HMGXB3: variants seen among roughly 807,000 people sequenced by gnomAD.
The protein encoded by HMGXB3 is HMG domain-containing protein 3.
In HMGXB3, 45 loss-of-function variants were observed where a neutral mutation model predicts 121.5. That is an observed-to-expected ratio of 0.37 (90% confidence interval 0.29 to 0.47). The LOEUF (loss-of-function observed/expected upper bound fraction) is 0.47. HMGXB3 is among the 20% of genes least tolerant of loss of function. The pLI is 0.99. For synonymous variants in HMGXB3, 590 were observed against 624.1 expected, an observed-to-expected ratio of 0.95 and a Z score of 0.81; for missense variants, 1,376 against 1,602.2, an observed-to-expected ratio of 0.86 and a Z score of 2.41.
At chr5:150,015,954 G>A (rs747050045) in intron 5 of HMGXB3, among the ~76,000 whole-genome samples, 1 of 152,180 alleles carries the variant, frequency 6.6e-6, no homozygotes, top group African/African-American at 2.4e-5. Context: ...CTATTGGGTG[G>A]AATGTTCTAT....
intron 18 of HMGXB3, among the ~76,000 whole-genome samples, chr5:150,049,755 G>A (rs1196229735): frequency 6.6e-6 from 1 of 151,702 alleles, no homozygotes; most frequent in Non-Finnish European, 1.5e-5. Context: ...GGCCCTGTCA[G>A]TGGAGGTGTT....
At chr5:150,042,971 T>G (rs1331746356) in intron 15 of HMGXB3, among the ~76,000 whole-genome samples, 1 of 152,194 alleles carries the variant, frequency 6.6e-6, no homozygotes, top group East Asian at 1.9e-4. Flanking sequence ...AATATACTCA[T>G]GAATATAGAT....
At chr5:150,030,361 A>G (rs1756343943) in intron 9 of HMGXB3, 1 of 162,408 alleles carries the variant, frequency 6.2e-6, no homozygotes, top group African/African-American at 2.4e-5. Flanking sequence ...AGAAACAACC[A>G]TGATTGTCCT....
chr5:150,036,394 T>A (rs1359131470), intron 11 of HMGXB3, among the ~76,000 whole-genome samples: 3 of 152,074 alleles, frequency 2.0e-5, no homozygotes, highest in Non-Finnish European at 2.9e-5. Context: ...GGTCAAAAAA[T>A]TTCAGATTTC....
rs542312116 is a variant in HMGXB3 at position 150,051,824 on chromosome 5, C to A, written c.3511C>A (p.Arg1171Ser). ...CCCAGTCACCAAGACTGCCACGCGG[C>A]GCATCGTCCATGCAGGCCTACAGCC... ...QHPVTKTATR[R>S]IVHAGLQPNP... The change falls in exon 20 of 20, where the codon CGC (arginine) becomes AGC (serine). Residue 1171 changes from arginine to serine, a missense_variant. Transcript: ENST00000502717. 1 of 1,549,520 alleles carries A rather than the reference C, an allele frequency of 6.5e-7. No homozygotes were observed. The highest frequency in any genetic ancestry group is 8.7e-7 in the Non-Finnish European group (1 of 1,147,086).
Position 150,052,344 on chromosome 5 carries a change from A to T in HMGXB3, c.*152A>T. 1 of 651,394 alleles carries T rather than the reference A, an allele frequency of 1.5e-6. No homozygotes were observed. 40.4% of individuals were successfully genotyped at this position (651,394 alleles called of 1,614,324 possible). A position where few individuals can be genotyped will look rare whatever the true frequency, so the allele number is the denominator to read the frequency against. On this transcript the variant is annotated 3_prime_UTR_variant, in exon 20 of 20. Transcript: ENST00000502717. ...ACCAAAGAGCTTCCATTCCCTGAGCATGGTGGGACCCAGGGTCCTCAGTTC... is the reference window on the plus strand; with the variant it reads ...ACCAAAGAGCTTCCATTCCCTGAGCTTGGTGGGACCCAGGGTCCTCAGTTC...
intron 15 of HMGXB3, 59 bp from the exon 16 acceptor site, chr5:150,045,406 GT>G (rs1413764600): frequency 5.3e-5 from 72 of 1,362,460 alleles, no homozygotes; most frequent in Non-Finnish European, 6.9e-5. Flanking sequence ...GGGGTAGGCT[GT>G]TGTGTTGCTG....
In HMGXB3 at chr5:150,010,177, C is replaced by G; in HGVS notation, c.379C>G (p.Arg127Gly). The change falls in exon 4 of 20, where the codon CGC becomes GGC. Residue 127 changes from arginine (R) to glycine (G), a missense_variant. Physicochemically the swap from Arg to Gly is moderately radical, Grantham distance 125. Around this residue, in one of 2 missense-constraint regions of HMGXB3, gnomAD observed 1,116 missense variants for 1,369.0 expected, o/e 0.82. Transcript: ENST00000502717. The part of the protein sequence containing the change: ...DIPGFRKILP[R>G]SDYIIIPKSS... ...CCCAGGTTTCCGCAAGATCCTCCCA[C>G]GCTCAGATTATATCATCATCCCCAA... is the stretch of plus-strand genomic sequence containing the variant. The G allele has an allele frequency of 6.4e-7, 1 of 1,551,802 alleles. No homozygotes were observed. Among genetic ancestry groups the G allele is most frequent in the South Asian group, 1.2e-5 (1 of 84,056 alleles).
At chr5:150,012,951 T>C (rs1755878269) in intron 5 of HMGXB3, among the ~76,000 whole-genome samples, 1 of 152,268 alleles carries the variant, frequency 6.6e-6, no homozygotes, top group African/African-American at 2.4e-5. Context: ...GCTTGTATTC[T>C]ACAACTTTGC....
At chr5:150,032,671 G>A in intron 11 of HMGXB3, 68 bp downstream of exon 11, 1 of 1,502,812 alleles carries the variant, frequency 6.7e-7, no homozygotes, top group Non-Finnish European at 9.0e-7. Flanking sequence ...TGTCTTAGTA[G>A]AAATAAGAAG....
chr5:150,004,383 A>T (rs920495745), intron 1 of HMGXB3, among the ~76,000 whole-genome samples: 13 of 152,318 alleles, frequency 8.5e-5, no homozygotes, highest in East Asian at 3.9e-4. Flanking sequence ...TGAGTGAATC[A>T]ATGAAGGGAT....
In HMGXB3 at chr5:150,046,595, G is replaced by A. The variant is rs572642558; in HGVS notation, c.2950+910G>A. On this transcript the variant is annotated intron_variant, in intron 16 of 19. Transcript: ENST00000502717. ...TGGGAGGCCCAGGCGGGCGGATCAC[G>A]AGGTCAGGAGATCGAGACCATCCTG... is the stretch of plus-strand genomic sequence containing the variant. Among the ~76,000 whole-genome samples the A allele has an allele frequency of 3.2e-3, 489 of 152,118 alleles. 1 individual carries two copies. Among genetic ancestry groups the A allele is most frequent in the Non-Finnish European group, 5.9e-3 (404 of 67,988 alleles).
At position 150,027,114 on chromosome 5, in the gene HMGXB3, G is replaced by A; in HGVS notation, c.1731G>A (p.Val577=). ...AACAGCCATCTGGCCCTGGTGAGGT[G>A]AAGGTAAGGCCCATTTTCCAGAGTG... ...PIQQPSGPGE[V]KLPSGPSNRT... The change falls in exon 9 of 20, where the codon GTG becomes GTA. Residue 577 remains valine, a synonymous_variant. Coordinates refer to ENST00000502717, the MANE Select transcript of HMGXB3 (RefSeq NM_014983.3). 1 of 1,551,080 alleles carries A rather than the reference G, an allele frequency of 6.4e-7. No homozygotes were observed. The highest frequency in any genetic ancestry group is 8.7e-7 in the Non-Finnish European group (1 of 1,146,860).
In HMGXB3 at chr5:150,018,711, G is replaced by T. The variant is rs1439954525; in HGVS notation, c.1041+14G>T. ...TGGATCCCAAAGGTAAGGTCCATTG[G>T]CTGTTGCTGCTTTGGAAGCCTCACA... On this transcript the variant is annotated intron_variant, in intron 6 of 19. Transcript: ENST00000502717. The T allele has an allele frequency of 6.5e-7, 1 of 1,541,574 alleles. No homozygotes were observed. Among genetic ancestry groups the T allele is most frequent in the Admixed American group, 2.0e-5 (1 of 49,392 alleles).
intron 10 of HMGXB3, among the ~76,000 whole-genome samples, chr5:150,031,800 C>T (rs533226485): frequency 4.0e-4 from 61 of 152,246 alleles, no homozygotes; most frequent in African/African-American, 1.3e-3. Flanking sequence ...CAGTAGCAAA[C>T]AAGACAGCAC....
At chr5:150,004,549 T>A (rs1320682916) in intron 1 of HMGXB3, among the ~76,000 whole-genome samples, 1 of 152,164 alleles carries the variant, frequency 6.6e-6, no homozygotes, top group Non-Finnish European at 1.5e-5. Context: ...CCCATGAATA[T>A]AAGTGAAAAG....
At chr5:150,049,410 A>C (rs199728925) in intron 18 of HMGXB3, among the ~76,000 whole-genome samples, 3 of 149,062 alleles carry the variant, frequency 2.0e-5, no homozygotes, top group Admixed American at 1.3e-4. Context: ...TGGAACGGAA[A>C]CCCCCCCCCT....
chr5:150,004,542 A>G (rs1281633332), intron 1 of HMGXB3, among the ~76,000 whole-genome samples: 1 of 152,190 alleles, frequency 6.6e-6, no homozygotes, highest in Non-Finnish European at 1.5e-5. Context: ...ACTGTATCCC[A>G]TGAATATAAG....
chr5:150,010,985 A>G (rs973062902), intron 4 of HMGXB3, among the ~76,000 whole-genome samples: 1 of 152,154 alleles, frequency 6.6e-6, no homozygotes, highest in Non-Finnish European at 1.5e-5. Flanking sequence ...TTGAAATGGG[A>G]TTTCACTCTG....
Sources: allele counts gnomAD v4.1 joint callset (sites outside exome capture counted in the v4.1 genomes callset), GRCh38; gene constraint gnomAD v4.1.1; regional missense constraint gnomAD v4.1.1; transcripts MANE v1.5; gene names NCBI Gene and HGNC (gene_info 2026-07-23, HGNC 2026-07-21).